ZRANB3: variants seen among roughly 807,000 people sequenced by gnomAD.
ZRANB3 encodes DNA annealing helicase and endonuclease ZRANB3.
ZRANB3 carries 125 observed loss-of-function variants against 133.8 expected under a neutral mutation model. That is an observed-to-expected ratio of 0.93 (90% CI 0.81 to 1.08). The LOEUF is 1.08. ZRANB3 is among the 50% of genes least tolerant of loss of function. The pLI is 0.00. For missense variants in ZRANB3, 1,229 were observed against 1,275.5 expected, an observed-to-expected ratio of 0.96 and a Z score of 0.56; for synonymous variants, 387 against 432.7, an observed-to-expected ratio of 0.89 and a Z score of 1.31.
intron 2 of ZRANB3, among the ~76,000 whole-genome samples, chr2:135,487,883 T>C (rs1692192523): frequency 6.6e-6 from 1 of 152,232 alleles, no homozygotes; most frequent in Admixed American, 6.5e-5. Flanking sequence ...ACATTTAATT[T>C]CCCTCAAGAA....
intron 12 of ZRANB3, among the ~76,000 whole-genome samples, chr2:135,263,433 G>A (rs1309635358): frequency 2.0e-5 from 3 of 152,158 alleles, no homozygotes; most frequent in African/African-American, 7.2e-5. Flanking sequence ...TTACATATGT[G>A]TGAGAATATA....
chr2:135,501,815 A>G (rs541136124), intron 2 of ZRANB3, among the ~76,000 whole-genome samples: 2 of 152,284 alleles, frequency 1.3e-5, no homozygotes, highest in South Asian at 2.1e-4. Flanking sequence ...AGAACACCAC[A>G]TAAGGTAATG....
chr2:135,221,672 A>G (rs1694559586), intron 15 of ZRANB3, among the ~76,000 whole-genome samples: 1 of 152,200 alleles, frequency 6.6e-6, no homozygotes, highest in Non-Finnish European at 1.5e-5. Context: ...TCTGAGAAAG[A>G]GGCATGGCCT....
intron 2 of ZRANB3, among the ~76,000 whole-genome samples, chr2:135,444,343 A>G (rs1689923346): frequency 6.6e-6 from 1 of 152,222 alleles, no homozygotes; most frequent in African/African-American, 2.4e-5. Context: ...CTTTATGCAT[A>G]ATAGCCCCAA....
intron 8 of ZRANB3, among the ~76,000 whole-genome samples, chr2:135,309,381 A>G (rs1473808218): frequency 2.0e-5 from 3 of 152,180 alleles, no homozygotes; most frequent in African/African-American, 7.2e-5. Flanking sequence ...CCAAAATTGT[A>G]CTAGTCTTCC....
chr2:135,423,920 C>G (rs1039578851), intron 2 of ZRANB3, among the ~76,000 whole-genome samples: 3 of 152,202 alleles, frequency 2.0e-5, no homozygotes, highest in Non-Finnish European at 4.4e-5. Context: ...AGACTGCAGT[C>G]AACAACCCCA....
chr2:135,449,712 T>G (rs1397871501), intron 2 of ZRANB3, among the ~76,000 whole-genome samples: 1 of 152,214 alleles, frequency 6.6e-6, no homozygotes, highest in East Asian at 1.9e-4. Context: ...AAATACCATT[T>G]TATTTTATCC....
chr2:135,318,648 G>A (rs867436175), intron 6 of ZRANB3, among the ~76,000 whole-genome samples: 5 of 152,010 alleles, frequency 3.3e-5, no homozygotes, highest in African/African-American at 9.7e-5. Flanking sequence ...GCTTAACTTC[G>A]GGGTCATAGT....
At chr2:135,493,342 C>T (rs539131699) in intron 2 of ZRANB3, among the ~76,000 whole-genome samples, 2 of 150,276 alleles carry the variant, frequency 1.3e-5, no homozygotes, top group Non-Finnish European at 3.0e-5. Context: ...GAATACTATA[C>T]TACAAGGAAA....
intron 8 of ZRANB3, among the ~76,000 whole-genome samples, chr2:135,309,257 A>G (rs1419379976): frequency 6.6e-6 from 1 of 152,188 alleles, no homozygotes; most frequent in Non-Finnish European, 1.5e-5. Flanking sequence ...CTGGGATTAC[A>G]GGTGTGAGCC....
rs779775556 is a variant in ZRANB3 at position 135,207,518 on chromosome 2, G to T, written c.2925C>A (p.Leu975=). The change falls in exon 19 of 21, where the codon CTC becomes CTA. Residue 975 remains leucine, a synonymous_variant. Transcript: ENST00000264159. ...CQLCNVNAQE[L]FLRLRDAPKS... is the part of the protein sequence containing the mutation. The stretch of plus-strand genomic sequence containing the variant: ...TAGGGGCATCTCTCAGACGTAAAAA[G>T]AGTTCTTGTGCGTTCACATTACAGA... 1 of 1,614,026 alleles carries T rather than the reference G, an allele frequency of 6.2e-7. No individual in the cohort carries two copies. Among genetic ancestry groups the T allele is most frequent in the Admixed American group, 1.7e-5 (1 of 60,026 alleles).
In ZRANB3 at chr2:135,315,384, A is replaced by G; in HGVS notation, c.824T>C (p.Phe275Ser). Residue 275 changes from phenylalanine (F) to serine (S), a missense_variant, in exon 7 of 21, where the codon TTT becomes TCT. Coordinates refer to ENST00000264159, the MANE Select transcript of ZRANB3 (RefSeq NM_032143.4). ...CTTGGCAGCTGCTGATGGAAGATCA[A>G]ATGGAATACGCTGTCTGACTTTAGG... ...LPPKVRQRIP[F>S]DLPSAAAKEL... The G allele has an allele frequency of 6.3e-7, 1 of 1,579,860 alleles. No individual in the cohort carries two copies. The highest frequency in any genetic ancestry group is 8.6e-7 in the Non-Finnish European group (1 of 1,167,864).
chr2:135,356,804 A>C (rs1244131649), intron 3 of ZRANB3, among the ~76,000 whole-genome samples: 1 of 151,800 alleles, frequency 6.6e-6, no homozygotes, highest in Non-Finnish European at 1.5e-5. Flanking sequence ...ATCTGGGCTC[A>C]AGCAATCCTC....
Position 135,315,386 on chromosome 2 carries a change from T to C in ZRANB3, c.822A>G (p.Pro274=). ...QLPPKVRQRI[P]FDLPSAAAKE... ...TGGCAGCTGCTGATGGAAGATCAAATGGAATACGCTGTCTGACTTTAGGGG... is the reference window on the plus strand; with the variant it reads ...TGGCAGCTGCTGATGGAAGATCAAACGGAATACGCTGTCTGACTTTAGGGG... The change falls in exon 7 of 21, where the codon CCA becomes CCG. Residue 274 remains proline, a synonymous_variant. Coordinates refer to ENST00000264159, the MANE Select transcript of ZRANB3 (RefSeq NM_032143.4). 6.3e-7 allele frequency: 1 copy of C among 1,579,390 alleles called. No individual in the cohort carries two copies. The highest frequency in any genetic ancestry group is 8.6e-7 in the Non-Finnish European group (1 of 1,167,572).
At chr2:135,461,736 A>T (rs1559014861) in intron 2 of ZRANB3, among the ~76,000 whole-genome samples, 1 of 152,210 alleles carries the variant, frequency 6.6e-6, no homozygotes, top group Non-Finnish European at 1.5e-5. Context: ...GGCACTGGAG[A>T]TGATACTAGT....
chr2:135,531,077 A>G (rs1694579109), intron 1 of ZRANB3, 50 bp downstream of exon 1: 1 of 152,236 alleles, frequency 6.6e-6, no homozygotes. Flanking sequence ...CTTTACCCCT[A>G]AAAAGCACTA....
chr2:135,480,100 ATTTT>A (rs371237620), intron 2 of ZRANB3, among the ~76,000 whole-genome samples: 1 of 141,522 alleles, frequency 7.1e-6, no homozygotes, highest in African/African-American at 2.6e-5. Context: ...TGTCAGGCTA[ATTTT>A]TTTTTTTTTT....
intron 3 of ZRANB3, among the ~76,000 whole-genome samples, chr2:135,365,486 A>G (rs762058800): frequency 6.6e-6 from 1 of 152,232 alleles, no homozygotes; most frequent in African/African-American, 2.4e-5. Flanking sequence ...TGGAAGAACA[A>G]TAACTTGCAT....
chr2:135,340,811 G>A lies in ZRANB3; in HGVS notation c.677+4739C>T, dbSNP rs769891756. 8.6e-5 allele frequency among the ~76,000 whole-genome samples: 12 copies of A among 139,548 alleles called. 1 individual carries two copies. The highest frequency in any genetic ancestry group is 1.7e-4 in the African/African-American group (5 of 29,524). 91.5% of individuals were successfully genotyped at this position (139,548 alleles called of 152,430 possible). The stretch of plus-strand genomic sequence containing the variant: ...GTGGAGGTTGCAATGAGCCAAGACC[G>A]CACCATTGCACCCCAGGCTGGTCAA... On this transcript the variant is annotated intron_variant, in intron 6 of 20. Transcript: ENST00000264159.
Sources: gnomAD v4.1 joint callset for allele counts (sites outside exome capture counted in the v4.1 genomes callset) on GRCh38, gnomAD v4.1.1 for gene constraint, MANE v1.5 for transcripts, NCBI Gene and HGNC (gene_info 2026-07-23, HGNC 2026-07-21) for gene names.